Variants in ZNF33B observed in about 807,000 individuals in gnomAD.
The protein encoded by ZNF33B is zinc finger protein 33B, also known as zinc finger protein 11b (KOX 2).
ZNF33B carries 29 observed loss-of-function variants against 45.8 expected under a neutral mutation model. That is an observed-to-expected ratio of 0.63 (90% CI 0.47 to 0.86). ZNF33B has a LOEUF of 0.86. Among genes scored for constraint, ZNF33B ranks in the 40% least tolerant of loss-of-function variants. ZNF33B has a pLI of 0.00. For synonymous variants in ZNF33B, 305 were observed against 307.8 expected (o/e 0.99, Z 0.10); for missense variants, 831 against 909.9 (o/e 0.91, Z 1.12).
At chr10:42,584,977 T>C (rs1836902640), downstream of ZNF33B, among the ~76,000 whole-genome samples, 1 of 152,118 alleles carries the variant, frequency 6.6e-6, no homozygotes. Context: ...GGGCTTCGGG[T>C]TTAGGAGGGA....
intron 4 of ZNF33B, among the ~76,000 whole-genome samples, chr10:42,623,419 T>C (rs1838675345): frequency 6.6e-6 from 1 of 152,208 alleles, no homozygotes; most frequent in Non-Finnish European, 1.5e-5. Flanking sequence ...GATATACCAG[T>C]GTTCACTGAA....
chr10:42,632,547 G>T, intron 2 of ZNF33B, 108 bp from the exon 3 acceptor site: 1 of 1,402,806 alleles, frequency 7.1e-7, no homozygotes, highest in Non-Finnish European at 9.5e-7. Flanking sequence ...AGGGAAAAAA[G>T]AAATCATAAC....
chr10:42,638,308 G>A (rs1319171306), intron 1 of ZNF33B, among the ~76,000 whole-genome samples, 166 bp downstream of exon 1: 11 of 152,394 alleles, frequency 7.2e-5, no homozygotes, highest in African/African-American at 2.6e-4. Context: ...GCGCCTTAGA[G>A]GAACTGGCGT....
chr10:42,627,193 G>A (rs1394609952), intron 4 of ZNF33B, among the ~76,000 whole-genome samples: 4 of 152,034 alleles, frequency 2.6e-5, no homozygotes, highest in Admixed American at 2.0e-4. Flanking sequence ...TAGAAGAGAC[G>A]GAGTTTCACC....
At chr10:42,627,876 C>T (rs1044501026) in intron 4 of ZNF33B, among the ~76,000 whole-genome samples, 1 of 152,092 alleles carries the variant, frequency 6.6e-6, no homozygotes, top group African/African-American at 2.4e-5. Flanking sequence ...TTCATTATGG[C>T]CAGAAAACAT....
chr10:42,589,793 C>T lies in ZNF33B; in HGVS notation c.*2820G>A, dbSNP rs1837033078. 6.6e-6 allele frequency: 1 copy of T among 151,264 alleles called. No individual in the cohort carries two copies. The highest frequency in any genetic ancestry group is 2.1e-4 in the South Asian group (1 of 4,796). 9.4% of individuals were successfully genotyped at this position (151,264 alleles called of 1,614,324 possible). A position where few individuals can be genotyped will look rare whatever the true frequency, so the allele number is the denominator to read the frequency against. ...TCCAAATTTATGTGCATTTTATTTCCTTTTTTTTTGGTATCACTGCATTAG... is the reference window on the plus strand; with the variant it reads ...TCCAAATTTATGTGCATTTTATTTCTTTTTTTTTTGGTATCACTGCATTAG... On this transcript the variant is annotated 3_prime_UTR_variant, in exon 5 of 5. Coordinates refer to ENST00000359467, the MANE Select transcript of ZNF33B (RefSeq NM_006955.3).
chr10:42,605,639 A>G (rs941475686), intron 4 of ZNF33B, among the ~76,000 whole-genome samples: 1 of 152,242 alleles, frequency 6.6e-6, no homozygotes, highest in East Asian at 1.9e-4. Context: ...CAAACACTAG[A>G]TCAAATCCAC....
intron 4 of ZNF33B, among the ~76,000 whole-genome samples, chr10:42,595,852 T>C (rs1297559221): frequency 6.6e-6 from 1 of 152,120 alleles, no homozygotes; most frequent in South Asian, 2.1e-4. Context: ...GCTTCCACAA[T>C]TGTGAGAAAA....
intron 1 of ZNF33B, among the ~76,000 whole-genome samples, chr10:42,577,390 GTC>G (rs1836763397): frequency 1.3e-5 from 2 of 149,328 alleles, no homozygotes; most frequent in Non-Finnish European, 2.9e-5. Context: ...TGATTCTCCA[GTC>G]TCTCTTTCCT....
intron 4 of ZNF33B, among the ~76,000 whole-genome samples, chr10:42,622,312 T>G (rs1459856761): frequency 6.6e-6 from 1 of 152,196 alleles, no homozygotes; most frequent in Non-Finnish European, 1.5e-5. Flanking sequence ...TCCATCAGCA[T>G]TTTTACCAAA....
intron 1 of ZNF33B, among the ~76,000 whole-genome samples, chr10:42,577,762 G>A (rs1313263616): frequency 2.0e-5 from 3 of 152,146 alleles, no homozygotes; most frequent in African/African-American, 4.8e-5. Flanking sequence ...GGGCTGAATC[G>A]CCCCTGCTTG....
chr10:42,634,783 A>C (rs1427692627), intron 2 of ZNF33B, among the ~76,000 whole-genome samples: 1 of 152,254 alleles, frequency 6.6e-6, no homozygotes. Context: ...ATTCCAATGA[A>C]AGAGAGGTAA....
At chr10:42,611,385 T>C (rs1838090780) in intron 4 of ZNF33B, among the ~76,000 whole-genome samples, 1 of 151,924 alleles carries the variant, frequency 6.6e-6, no homozygotes, top group South Asian at 2.1e-4. Context: ...CAAGAAATGA[T>C]GCTGAGACAA....
At chr10:42,620,527 C>T (rs111878613) in intron 4 of ZNF33B, among the ~76,000 whole-genome samples, 6,155 of 151,746 alleles carry the variant, frequency 0.041, 182 homozygotes, top group Non-Finnish European at 0.057. Context: ...CTCAGCCTCC[C>T]AAGTAGCTGG....
intron 4 of ZNF33B, among the ~76,000 whole-genome samples, chr10:42,630,171 G>C (rs1213136890): frequency 1.3e-5 from 2 of 152,110 alleles, no homozygotes; most frequent in African/African-American, 4.8e-5. Context: ...AGGTTTGCTA[G>C]CAACATTTTC....
At chr10:42,622,442 A>C (rs571025732) in intron 4 of ZNF33B, among the ~76,000 whole-genome samples, 3 of 152,344 alleles carry the variant, frequency 2.0e-5, no homozygotes, top group Admixed American at 6.5e-5. Context: ...ACTTATTAGA[A>C]AGCTACAATA....
downstream of ZNF33B, among the ~76,000 whole-genome samples, chr10:42,584,993 A>C (rs564169023): frequency 1.8e-4 from 28 of 152,308 alleles, no homozygotes; most frequent in Admixed American, 1.6e-3. Context: ...AGGGAGAAGG[A>C]GTCTTTCTCA....
At chr10:42,609,476 G>A (rs7908079) in intron 4 of ZNF33B, among the ~76,000 whole-genome samples, 3 of 151,952 alleles carry the variant, frequency 2.0e-5, no homozygotes, top group African/African-American at 7.3e-5. Context: ...ACAAAACCCA[G>A]GTCCATATGG....
At chr10:42,580,203 C>T (rs7912057) in intron 1 of ZNF33B, among the ~76,000 whole-genome samples, 13,086 of 152,094 alleles carry the variant, frequency 0.086, 619 homozygotes, top group Admixed American at 0.15. Context: ...TCAGGGCTGC[C>T]ATAAAGTCCC....
Sources: gnomAD v4.1 joint callset for allele counts (sites outside exome capture counted in the v4.1 genomes callset) on GRCh38, gnomAD v4.1.1 for gene constraint, MANE v1.5 for transcripts, NCBI Gene and HGNC (gene_info 2026-07-23, HGNC 2026-07-21) for gene names.